ELAPOR1: variants seen among roughly 807,000 people sequenced by gnomAD.
ELAPOR1 encodes endosome-lysosome associated apoptosis and autophagy regulator 1.
In ELAPOR1, 77 loss-of-function variants were observed where a neutral mutation model predicts 119.7. The ratio of observed to expected loss-of-function variants is 0.64; its 90% CI spans 0.54 to 0.78. The LOEUF (loss-of-function observed/expected upper bound fraction) is 0.78. Among genes scored for constraint, ELAPOR1 ranks in the 30% least tolerant of loss-of-function variants. The pLI is 0.00. For missense variants in ELAPOR1, 1,115 were observed against 1,270.4 expected (o/e 0.88, Z 1.86); for synonymous variants, 481 against 487.2 (o/e 0.99, Z 0.17).
intron 1 of ELAPOR1, among the ~76,000 whole-genome samples, chr1:109,138,834 C>CA (rs150398954): frequency 0.63 from 68,022 of 107,234 alleles, 22,577 homozygotes; most frequent in East Asian, 0.82. Context: ...AACTCCATCT[C>CA]AAAAAAAAAA....
chr1:109,171,308 G>A (rs1651908191), intron 3 of ELAPOR1, among the ~76,000 whole-genome samples: 1 of 152,114 alleles, frequency 6.6e-6, no homozygotes, highest in South Asian at 2.1e-4. Flanking sequence ...AGCCCTTTTT[G>A]AGGCCGAGGT....
In ELAPOR1 at chr1:109,141,733, A is replaced by G. The variant is rs1235958589; in HGVS notation, c.154-20161A>G. Among the ~76,000 whole-genome samples, 9 of 151,020 alleles carry G rather than the reference A, an allele frequency of 6.0e-5. No homozygotes were observed. In the East Asian group the frequency reaches 1.8e-3, roughly 30 times the overall value. On this transcript the variant is annotated intron_variant, in intron 1 of 21. Transcript: ENST00000369939. The stretch of plus-strand genomic sequence containing the variant: ...CAGGCTGGAGTGCAATGACGCAATC[A>G]TGGCTCACTGCAGCCCTGACATCCC...
chr1:109,148,419 G>A (rs948217680), intron 1 of ELAPOR1, among the ~76,000 whole-genome samples: 2 of 152,178 alleles, frequency 1.3e-5, no homozygotes, highest in African/African-American at 2.4e-5. Flanking sequence ...GATTACAGGC[G>A]TGAGCCACTG....
In ELAPOR1 at chr1:109,189,344, T is replaced by C. The variant is rs985334268; in HGVS notation, c.1348+150T>C. Reference sequence around the variant, plus strand: ...GAAAGTTCCACTCCTCATGGACATATGTTCTGCCAAGACAGCTTTAGAGGA... The same window carrying C: ...GAAAGTTCCACTCCTCATGGACATACGTTCTGCCAAGACAGCTTTAGAGGA... On this transcript the variant is annotated intron_variant, in intron 10 of 21. Coordinates refer to ENST00000369939, the MANE Select transcript of ELAPOR1 (RefSeq NM_020775.5). 8.3e-6 allele frequency: 9 copies of C among 1,078,994 alleles called. No homozygotes were observed. In the East Asian group the frequency reaches 2.3e-4, roughly 28 times the overall value. The allele number at this position is 1,078,994 out of a possible 1,614,324, so 66.8% of individuals were successfully genotyped here.
intron 7 of ELAPOR1, among the ~76,000 whole-genome samples, chr1:109,176,606 C>CTTTTTTTT (rs1166255748): frequency 7.8e-6 from 1 of 127,798 alleles, no homozygotes; most frequent in Non-Finnish European, 1.7e-5. Flanking sequence ...CTTTTTTTTT[C>CTTTTTTTT]TTTTTTTTTT....
intron 3 of ELAPOR1, among the ~76,000 whole-genome samples, chr1:109,169,534 C>T (rs893868419): frequency 9.9e-5 from 15 of 152,138 alleles, no homozygotes; most frequent in African/African-American, 3.4e-4. Flanking sequence ...CAGGCATGAG[C>T]CACCACGCCC....
At chr1:109,157,308 C>G (rs1400429359) in intron 1 of ELAPOR1, among the ~76,000 whole-genome samples, 1 of 152,148 alleles carries the variant, frequency 6.6e-6, no homozygotes, top group African/African-American at 2.4e-5. Flanking sequence ...CTTTGCCTCT[C>G]AATGACTCAA....
intron 1 of ELAPOR1, among the ~76,000 whole-genome samples, chr1:109,141,235 TAGC>T (rs1452026651): frequency 6.6e-6 from 1 of 152,066 alleles, no homozygotes; most frequent in Non-Finnish European, 1.5e-5. Flanking sequence ...TATAAATTGT[TAGC>T]AGATAAAATT....
At chr1:109,125,463 G>C (rs1471468108) in intron 1 of ELAPOR1, among the ~76,000 whole-genome samples, 1 of 151,384 alleles carries the variant, frequency 6.6e-6, no homozygotes, top group Non-Finnish European at 1.5e-5. Flanking sequence ...CACAATCTCA[G>C]CTCACTACAA....
intron 1 of ELAPOR1, among the ~76,000 whole-genome samples, chr1:109,158,942 G>A (rs1471235320): frequency 1.3e-5 from 2 of 150,496 alleles, no homozygotes; most frequent in African/African-American, 2.5e-5. Flanking sequence ...GCCCAGGCTG[G>A]AGTAAAGTGG....
At chr1:109,187,954 G>A (rs754709428) in intron 8 of ELAPOR1, 56 of 1,294,444 alleles carry the variant, frequency 4.3e-5, no homozygotes, top group Non-Finnish European at 4.9e-5. Context: ...TTGTCACCCA[G>A]GCAACATTCA....
chr1:109,144,033 TTATA>T (rs1265476565), intron 1 of ELAPOR1, among the ~76,000 whole-genome samples: 1,766 of 91,814 alleles, frequency 0.019, 88 homozygotes, highest in African/African-American at 0.077. Flanking sequence ...TTTTCTAAAA[TTATA>T]TATATATATA....
Position 109,177,079 on chromosome 1 carries a change from A to G in ELAPOR1, c.952+3242A>G, listed in dbSNP as rs1262028194. ...CTTTCCCCCCTTTCTATTCCACAAAACCGCCATTGTCATCATGGCCCGTTC... is the reference window on the plus strand; with the variant it reads ...CTTTCCCCCCTTTCTATTCCACAAAGCCGCCATTGTCATCATGGCCCGTTC... On this transcript the variant is annotated intron_variant, in intron 7 of 21. Transcript: ENST00000369939. 1.9e-3 allele frequency among the ~76,000 whole-genome samples: 278 copies of G among 144,304 alleles called. 1 individual carries two copies. The highest frequency in any genetic ancestry group is 6.3e-3 in the African/African-American group (232 of 36,966). The allele number at this position is 144,304 out of a possible 152,430, so 94.7% of individuals were successfully genotyped here.
At chr1:109,172,606 A>G in intron 5 of ELAPOR1, 38 bp downstream of exon 5, 1 of 1,516,794 alleles carries the variant, frequency 6.6e-7, no homozygotes. Context: ...AGATCCCAGA[A>G]AAGGGACCCA....
intron 1 of ELAPOR1, among the ~76,000 whole-genome samples, chr1:109,144,053 A>ATATTTT (rs1650004030): frequency 2.2e-5 from 2 of 89,792 alleles, no homozygotes; most frequent in African/African-American, 5.3e-5. Context: ...ATATATATAT[A>ATATTTT]TTTATATATT....
At chr1:109,168,695 C>T (rs942221638) in intron 3 of ELAPOR1, among the ~76,000 whole-genome samples, 2 of 152,140 alleles carry the variant, frequency 1.3e-5, no homozygotes, top group Admixed American at 1.3e-4. Context: ...GAAATGTAAA[C>T]ATTAAAAATG....
chr1:109,185,430 C>T (rs1017702638), intron 8 of ELAPOR1, among the ~76,000 whole-genome samples: 3 of 152,060 alleles, frequency 2.0e-5, no homozygotes, highest in Non-Finnish European at 2.9e-5. Flanking sequence ...CGAGCCACTC[C>T]GGCAGAGCCT....
intron 1 of ELAPOR1, among the ~76,000 whole-genome samples, chr1:109,137,753 C>T (rs991363075): frequency 1.3e-5 from 2 of 152,044 alleles, no homozygotes; most frequent in African/African-American, 4.8e-5. Context: ...ATCTCAAACT[C>T]CCGACCTCAG....
intron 15 of ELAPOR1, 89 bp from the exon 16 acceptor site, chr1:109,197,385 G>A: frequency 9.3e-7 from 1 of 1,076,168 alleles, no homozygotes; most frequent in South Asian, 1.5e-5. Context: ...TGAAAATTTA[G>A]ATGTAAAAAA....
Sources: gnomAD v4.1 joint callset for allele counts (sites outside exome capture counted in the v4.1 genomes callset) on GRCh38, gnomAD v4.1.1 for gene constraint, MANE v1.5 for transcripts, NCBI Gene and HGNC (gene_info 2026-07-23, HGNC 2026-07-21) for gene names.